The following SCP2 variants were observed in gnomAD, a reference collection of about 807,000 sequenced individuals.
SCP2 encodes the protein sterol carrier protein 2.
In SCP2, 48 loss-of-function variants were observed where a neutral mutation model predicts 71.4. The ratio of observed to expected loss-of-function variants is 0.67; its 90% CI spans 0.53 to 0.86. The LOEUF is 0.86. Among genes scored for constraint, SCP2 ranks in the 40% least tolerant of loss-of-function variants. SCP2 has a pLI of 0.00. For missense variants in SCP2, 560 were observed against 655.6 expected, an observed-to-expected ratio of 0.85 and a Z score of 1.59; for synonymous variants, 220 against 218.1, an observed-to-expected ratio of 1.01 and a Z score of -0.08.
intron 1 of SCP2, among the ~76,000 whole-genome samples, chr1:52,929,197 CTTT>C (rs11438037): frequency 1.5e-5 from 2 of 135,906 alleles, no homozygotes; most frequent in Non-Finnish European, 1.6e-5. Flanking sequence ...CACTGTAACA[CTTT>C]TTTTTTTTTT....
At chr1:52,931,586 C>A (rs1653153107) in intron 1 of SCP2, among the ~76,000 whole-genome samples, 1 of 152,188 alleles carries the variant, frequency 6.6e-6, no homozygotes, top group Admixed American at 6.5e-5. Context: ...ACATATACTA[C>A]CTTCCTGGCA....
chr1:52,980,282 A>T, intron 9 of SCP2, 114 bp from the exon 10 acceptor site: 1 of 1,023,544 alleles, frequency 9.8e-7, no homozygotes, highest in Non-Finnish European at 1.4e-6. Flanking sequence ...GCAAAAATTT[A>T]ATATATGTGG....
At chr1:53,027,571 C>T (rs1266925570) in intron 12 of SCP2, among the ~76,000 whole-genome samples, 1 of 152,150 alleles carries the variant, frequency 6.6e-6, no homozygotes, top group Non-Finnish European at 1.5e-5. Context: ...ATGGTGCCAT[C>T]TCGGCTCACT....
At chr1:53,033,214 A>G (rs1557623807) in intron 13 of SCP2, among the ~76,000 whole-genome samples, 1 of 152,246 alleles carries the variant, frequency 6.6e-6, no homozygotes, top group Non-Finnish European at 1.5e-5. Flanking sequence ...ACTACTTATT[A>G]AAACTAAATA....
intron 2 of SCP2, among the ~76,000 whole-genome samples, chr1:52,942,645 A>T (rs1484972364): frequency 6.6e-6 from 1 of 150,798 alleles, no homozygotes; most frequent in African/African-American, 2.4e-5. Flanking sequence ...AAGAAATTTA[A>T]TTATTTTTAA....
chr1:53,024,931 C>A (rs747216312), intron 12 of SCP2, among the ~76,000 whole-genome samples: 3 of 151,986 alleles, frequency 2.0e-5, no homozygotes, highest in African/African-American at 4.8e-5. Context: ...TTATCCCCCC[C>A]ACCAAAAAAA....
rs767379495 is a variant in SCP2, at chr1:53,039,047, G to A, written c.1468+1G>A. 6.2e-7 allele frequency: 1 copy of A among 1,614,178 alleles called. No individual in the cohort carries two copies. The highest frequency in any genetic ancestry group is 2.2e-5 in the East Asian group (1 of 44,876). On this transcript the variant is annotated splice_donor_variant, in intron 14 of 15. Coordinates refer to ENST00000371514, the MANE Select transcript of SCP2 (RefSeq NM_002979.5). LOFTEE classifies it high-confidence loss of function. The stretch of plus-strand genomic sequence containing the variant: ...AAAGGATCAGTGCTTCCTAACTCAG[G>A]TTAGTTTGGGAATGACTTCATTCTA...
intron 1 of SCP2, among the ~76,000 whole-genome samples, chr1:52,939,735 A>G (rs1196237008): frequency 6.6e-6 from 1 of 151,996 alleles, no homozygotes; most frequent in African/African-American, 2.4e-5. Flanking sequence ...CTGGAGTGCA[A>G]TGGCACAATC....
intron 14 of SCP2, among the ~76,000 whole-genome samples, chr1:53,041,441 G>A (rs1214392008): frequency 6.6e-6 from 1 of 151,938 alleles, no homozygotes; most frequent in Non-Finnish European, 1.5e-5. Context: ...AACTTTGAAA[G>A]TCGTTTTGTA....
At chr1:53,013,939 A>G (rs1358345675) in intron 11 of SCP2, among the ~76,000 whole-genome samples, 2 of 116,672 alleles carry the variant, frequency 1.7e-5, no homozygotes, top group Non-Finnish European at 3.3e-5. Context: ...TCTGTCGCCC[A>G]GGCTGGAGTG....
intron 11 of SCP2, among the ~76,000 whole-genome samples, chr1:53,012,273 G>A (rs1661034408): frequency 6.6e-6 from 1 of 152,192 alleles, no homozygotes; most frequent in African/African-American, 2.4e-5. Context: ...AGGCCTGGCT[G>A]GGTTTCCCCA....
rs796477620 is a variant in SCP2, at chr1:52,994,186, G to A, written c.1081+6050G>A. ...GTTGATTTTGTTGCTAATGGGACAT[G>A]GAGATGTCTGGATGATAATAAATAT... On this transcript the variant is annotated intron_variant, in intron 11 of 15. Coordinates refer to ENST00000371514, the MANE Select transcript of SCP2 (RefSeq NM_002979.5). 4.8e-6 allele frequency: 5 copies of A among 1,033,914 alleles called. No individual in the cohort carries two copies. In the African/African-American group the frequency reaches 8.6e-5, roughly 18 times the overall value. 64.0% of individuals were successfully genotyped at this position (1,033,914 alleles called of 1,614,324 possible).
intron 13 of SCP2, among the ~76,000 whole-genome samples, chr1:53,031,524 G>C (rs1662544217): frequency 6.6e-6 from 1 of 152,114 alleles, no homozygotes; most frequent in Non-Finnish European, 1.5e-5. Flanking sequence ...TTTGAATTCT[G>C]TCTTAATTTT....
In SCP2 at chr1:53,050,740, A is replaced by C. The variant is rs1664151404; in HGVS notation, c.*36A>C. 1 of 1,210,082 alleles carries C rather than the reference A, an allele frequency of 8.3e-7. No homozygotes were observed. 75.0% of individuals were successfully genotyped at this position (1,210,082 alleles called of 1,614,324 possible). ...TTGGCTACTTTTGAAAATCAAGATGAGATATATAGATATATATCCATACAT... is the reference window on the plus strand; with the variant it reads ...TTGGCTACTTTTGAAAATCAAGATGCGATATATAGATATATATCCATACAT... On this transcript the variant is annotated 3_prime_UTR_variant, in exon 16 of 16. Transcript: ENST00000371514.
chr1:53,023,703 A>G (rs1661909720), intron 12 of SCP2, among the ~76,000 whole-genome samples: 1 of 152,158 alleles, frequency 6.6e-6, no homozygotes. Context: ...AGGGAGCAGC[A>G]GTGGCAAAGG....
At chr1:53,036,147 C>T (rs898027785) in intron 13 of SCP2, among the ~76,000 whole-genome samples, 3 of 140,560 alleles carry the variant, frequency 2.1e-5, no homozygotes, top group African/African-American at 9.1e-5. Context: ...TATATGTGAC[C>T]ATTTAAAATT....
intron 1 of SCP2, among the ~76,000 whole-genome samples, chr1:52,928,261 C>T (rs1384188874): frequency 6.6e-6 from 1 of 152,258 alleles, no homozygotes; most frequent in Non-Finnish European, 1.5e-5. Context: ...CGTCTGCGCG[C>T]CCTCTTAGCA....
At chr1:53,010,228 C>T (rs1660894958) in intron 11 of SCP2, among the ~76,000 whole-genome samples, 1 of 152,186 alleles carries the variant, frequency 6.6e-6, no homozygotes, top group African/African-American at 2.4e-5. Flanking sequence ...GGCAATTCCT[C>T]AGGGATCTAG....
chr1:53,006,730 A>G (rs1215211478), intron 11 of SCP2, among the ~76,000 whole-genome samples: 2 of 144,950 alleles, frequency 1.4e-5, no homozygotes, highest in Non-Finnish European at 2.9e-5. Flanking sequence ...ACTAATGAGC[A>G]AAATAACCAG....
Sources: allele counts gnomAD v4.1 joint callset (sites outside exome capture counted in the v4.1 genomes callset), GRCh38; gene constraint gnomAD v4.1.1; transcripts MANE v1.5; gene names NCBI Gene and HGNC (gene_info 2026-07-23, HGNC 2026-07-21).